Variants in ADPRHL1 observed in about 807,000 individuals in gnomAD.
ADPRHL1 encodes inactive ADP-ribosyltransferase ARH2.
ADPRHL1 carries 43 observed loss-of-function variants against 44.1 expected under a neutral mutation model. The observed-to-expected ratio is 0.98, with a 90% CI of 0.76 to 1.26. ADPRHL1 has a LOEUF of 1.26. Ranked by LOEUF, ADPRHL1 falls within the 50% of genes most tolerant of loss-of-function variation. The probability of loss-of-function intolerance (pLI) is 0.00; values close to 1 mark genes in which losing one functional copy is unlikely to be tolerated. For missense variants in ADPRHL1, 2,022 were observed against 2,496.9 expected (o/e 0.81, Z 4.05); for synonymous variants, 878 against 1,017.4 (o/e 0.86, Z 2.61).
chr13:113,417,846 A>C (rs2043894764), intron 7 of ADPRHL1, among the ~76,000 whole-genome samples: 1 of 125,136 alleles, frequency 8.0e-6, no homozygotes, highest in South Asian at 2.3e-4. Context: ...CTGAGATTCC[A>C]GTTATTTCCA....
chr13:113,406,768 C>G lies in ADPRHL1; in HGVS notation c.2514G>C (p.Thr838=). 1 of 1,231,962 alleles carries G rather than the reference C, an allele frequency of 8.1e-7. No homozygotes were observed. Among genetic ancestry groups the G allele is most frequent in the Non-Finnish European group, 1.0e-6 (1 of 987,978 alleles). The allele number at this position is 1,231,962 out of a possible 1,614,324, so 76.3% of individuals were successfully genotyped here. Residue 838 remains threonine (T), a synonymous_variant, in exon 8 of 8, where the codon ACG becomes ACC. Transcript: ENST00000612156. ...VQAARRTQPA[T]EPPRITVQIP... ...TTTGGACAGTTATCCGTGGAGGCTC[C>G]GTGGCAGGCTGTGTTCTCCGAGCAG...
At chr13:113,415,750 C>CAA (rs71214119) in intron 7 of ADPRHL1, among the ~76,000 whole-genome samples, 103 of 62,766 alleles carry the variant, frequency 1.6e-3, no homozygotes, top group East Asian at 9.6e-3. Context: ...GACTCCATCT[C>CAA]AAAAAAAAAA....
chr13:113,416,797 G>T (rs2043889201), intron 7 of ADPRHL1, among the ~76,000 whole-genome samples: 1 of 152,254 alleles, frequency 6.6e-6, no homozygotes, highest in South Asian at 2.1e-4. Flanking sequence ...AGAAGAGCCT[G>T]TCTTTTCTGA....
chr13:113,447,660 C>G (rs987165886), intron 1 of ADPRHL1, among the ~76,000 whole-genome samples: 4 of 152,206 alleles, frequency 2.6e-5, no homozygotes, highest in African/African-American at 7.2e-5. Context: ...ATGTTCATCA[C>G]CCCAGTTCTG....
rs1224736426 is a variant in ADPRHL1, at chr13:113,441,934, C to T, written c.379+2491G>A. On this transcript the variant is annotated intron_variant, in intron 2 of 7. Coordinates refer to ENST00000612156, the MANE Select transcript of ADPRHL1 (RefSeq NM_001394807.1). This position sits in a 1 kb window ranked among gnomAD's most constrained non-coding sequence, Gnocchi z 6.0. ...CACGCTTTACTCCACCGTGCTGGTC[C>T]GTGTCTCTGTCACGTTGTGTCCCGC... 6.6e-6 allele frequency among the ~76,000 whole-genome samples: 1 copy of T among 152,346 alleles called. No homozygotes were observed. The highest frequency in any genetic ancestry group is 6.5e-5 in the Admixed American group (1 of 15,304).
Position 113,407,548 on chromosome 13 carries a change from C to T in ADPRHL1, c.1734G>A (p.Arg578=), listed in dbSNP as rs878946956. Residue 578 remains arginine, a synonymous_variant, in exon 8 of 8, where the codon AGG becomes AGA. Coordinates refer to ENST00000612156, the MANE Select transcript of ADPRHL1 (RefSeq NM_001394807.1). ...LRLHTQERKK[R]NLQRKRMHRP... is the part of the protein sequence containing the mutation. ...GGTGCATCCTCTTCCTCTGCAGGTTCCTCTTCTTCCGCTCCTGCGTGTGCA... is the reference window on the plus strand; with the variant it reads ...GGTGCATCCTCTTCCTCTGCAGGTTTCTCTTCTTCCGCTCCTGCGTGTGCA... 1.5e-5 allele frequency: 18 copies of T among 1,232,128 alleles called. No individual in the cohort carries two copies. Among genetic ancestry groups the T allele is most frequent in the South Asian group, 8.2e-5 (2 of 24,332 alleles). 76.3% of individuals were successfully genotyped at this position (1,232,128 alleles called of 1,614,324 possible). A position where few individuals can be genotyped will look rare whatever the true frequency, so the allele number is the denominator to read the frequency against.
At chr13:113,424,498 A>G in intron 5 of ADPRHL1, 149 bp from the exon 6 acceptor site, 4 of 1,105,794 alleles carry the variant, frequency 3.6e-6, no homozygotes, top group Non-Finnish European at 5.1e-6. Flanking sequence ...TCTGTCCCCC[A>G]GGTTGGAGTG....
chr13:113,415,432 CA>C (rs1312578908), intron 7 of ADPRHL1, among the ~76,000 whole-genome samples: 2 of 152,176 alleles, frequency 1.3e-5, no homozygotes, highest in African/African-American at 4.8e-5. Flanking sequence ...TCCAGGCGAC[CA>C]GGCAGGGTCC....
At chr13:113,430,851 G>C (rs529618363) in intron 3 of ADPRHL1, among the ~76,000 whole-genome samples, 1 of 152,294 alleles carries the variant, frequency 6.6e-6, no homozygotes, top group African/African-American at 2.4e-5. Flanking sequence ...GGTGGCAGTA[G>C]TTACAGTGCG....
intron 7 of ADPRHL1, among the ~76,000 whole-genome samples, chr13:113,410,726 C>T (rs1239255381): frequency 1.3e-5 from 2 of 152,208 alleles, no homozygotes; most frequent in African/African-American, 2.4e-5. Flanking sequence ...AGTCGACAGG[C>T]GCACCCTCAA....
chr13:113,450,959 C>CG (rs1002089336), intron 1 of ADPRHL1, among the ~76,000 whole-genome samples: 42 of 151,716 alleles, frequency 2.8e-4, no homozygotes, highest in African/African-American at 8.8e-4. Flanking sequence ...GAGACCCCCC[C>CG]CCCCTTCCTG....
intron 1 of ADPRHL1, among the ~76,000 whole-genome samples, chr13:113,450,708 T>G (rs896480796): frequency 2.6e-5 from 4 of 152,152 alleles, no homozygotes; most frequent in African/African-American, 9.7e-5. Flanking sequence ...CCATTATTTC[T>G]GCATATCAGG....
chr13:113,428,796 T>C (rs1454422097), intron 4 of ADPRHL1, among the ~76,000 whole-genome samples, 156 bp downstream of exon 4: 3 of 152,228 alleles, frequency 2.0e-5, no homozygotes, highest in African/African-American at 4.8e-5. Flanking sequence ...GCATGGGGCC[T>C]GCCTTGCGAG....
Position 113,408,176 on chromosome 13 carries a change from G to C in ADPRHL1, c.1106C>G (p.Ala369Gly). ...GCCCATCTTCTTCTTCAGGGTTTGGGCGTCCACAGACATGACGTCACTGCA... is the reference window on the plus strand; with the variant it reads ...GCCCATCTTCTTCTTCAGGGTTTGGCCGTCCACAGACATGACGTCACTGCA... ...KTCSDVMSVD[A>G]QTLKKKMGKL... Residue 369 changes from alanine to glycine, a missense_variant, in exon 8 of 8, where the codon GCC becomes GGC. By Grantham distance (60) the Ala-to-Gly change is moderately conservative. Coordinates refer to ENST00000612156, the MANE Select transcript of ADPRHL1 (RefSeq NM_001394807.1). 8.1e-7 allele frequency: 1 copy of C among 1,232,024 alleles called. No homozygotes were observed. Among genetic ancestry groups the C allele is most frequent in the Non-Finnish European group, 1.0e-6 (1 of 987,988 alleles). The allele number at this position is 1,232,024 out of a possible 1,614,324, so 76.3% of individuals were successfully genotyped here.
intron 7 of ADPRHL1, among the ~76,000 whole-genome samples, chr13:113,413,738 C>T (rs1408484100): frequency 6.6e-6 from 1 of 152,244 alleles, no homozygotes; most frequent in Non-Finnish European, 1.5e-5. Context: ...TGTGTGACCG[C>T]TGCCCGCCCA....
intron 7 of ADPRHL1, among the ~76,000 whole-genome samples, chr13:113,412,743 C>T (rs1304837741): frequency 2.0e-5 from 3 of 150,340 alleles, no homozygotes; most frequent in Non-Finnish European, 3.0e-5. Context: ...AACAGTGCCC[C>T]GCGGAGCTCG....
At position 113,403,596 on chromosome 13, in the gene ADPRHL1, C is replaced by T. The variant is rs1230261568; in HGVS notation, c.5686G>A (p.Gly1896Arg). 3 of 1,231,498 alleles carry T rather than the reference C, an allele frequency of 2.4e-6. No individual in the cohort carries two copies. The highest frequency in any genetic ancestry group is 4.2e-5 in the Admixed American group (1 of 23,702). 76.3% of individuals were successfully genotyped at this position (1,231,498 alleles called of 1,614,324 possible). A position where few individuals can be genotyped will look rare whatever the true frequency, so the allele number is the denominator to read the frequency against. The change falls in exon 8 of 8, where the codon GGG (glycine) becomes AGG (arginine). Residue 1896 changes from glycine (G) to arginine (R), a missense_variant. Physicochemically the swap from Gly to Arg is moderately radical, Grantham distance 125. This residue lies in a region of ADPRHL1 where 205 missense variants were observed against 250.1 expected (regional missense o/e 0.82). Transcript: ENST00000612156. ...TCCTGGGCCGGGGCCTGGGGAGTCCCGCAGCCCCCAGCCTCAGGCTTGGGC... is the reference window on the plus strand; with the variant it reads ...TCCTGGGCCGGGGCCTGGGGAGTCCTGCAGCCCCCAGCCTCAGGCTTGGGC... ...TEPKPEAGGC[G>R]TPQAPAQEGS...
chr13:113,428,979 A>G lies in ADPRHL1; in HGVS notation c.619T>C (p.Cys207Arg), dbSNP rs748290770. 2 of 1,612,774 alleles carry G rather than the reference A, an allele frequency of 1.2e-6. No homozygotes were observed. Among genetic ancestry groups the G allele is most frequent in the East Asian group, 2.2e-5 (1 of 44,874 alleles). ...GCCGTGTGCCGGATGGTCTTCCTGC[A>G]GTACTCTTCTGCCAGAGGCACCGCC... ...LRAVPLAEEYCRKTIRHTAEY... is the reference protein window; with the variant it reads ...LRAVPLAEEYRRKTIRHTAEY... Residue 207 changes from cysteine (C) to arginine (R), a missense_variant, in exon 4 of 8, where the codon TGC (cysteine) becomes CGC (arginine). By Grantham distance (180) the Cys-to-Arg change is radical. This residue lies in a region of ADPRHL1 where 437 missense variants were observed against 430.7 expected (regional missense o/e 1.01). Coordinates refer to ENST00000612156, the MANE Select transcript of ADPRHL1 (RefSeq NM_001394807.1).
Position 113,404,874 on chromosome 13 carries a change from C to A in ADPRHL1, c.4408G>T (p.Ala1470Ser). 8.0e-7 allele frequency: 1 copy of A among 1,247,222 alleles called. No individual in the cohort carries two copies. Among genetic ancestry groups the A allele is most frequent in the Non-Finnish European group, 1.0e-6 (1 of 998,144 alleles). The allele number at this position is 1,247,222 out of a possible 1,614,324, so 77.3% of individuals were successfully genotyped here. ...GEGTRAARNPAVPPGEPEGPG... is the reference protein window; with the variant it reads ...GEGTRAARNPSVPPGEPEGPG... ...CCCTCGGGCTCCCCTGGAGGCACAG[C>A]TGGGTTCCTGGCAGCCCTGGTGCCC... Residue 1470 changes from alanine to serine, a missense_variant, in exon 8 of 8, where the codon GCT becomes TCT. Ala to Ser is a moderately conservative substitution (Grantham distance 99, BLOSUM62 1). This residue lies in a region of ADPRHL1 where 1,221 missense variants were observed against 1,517.8 expected (regional missense o/e 0.80). Transcript: ENST00000612156.
Sources: allele counts gnomAD v4.1 joint callset (sites outside exome capture counted in the v4.1 genomes callset), GRCh38; gene constraint gnomAD v4.1.1; regional missense constraint gnomAD v4.1.1; non-coding constraint Gnocchi (gnomAD v3.1); transcripts MANE v1.5; gene names NCBI Gene and HGNC (gene_info 2026-07-23, HGNC 2026-07-21).